The following CELSR2 variants were observed in gnomAD, a reference collection of about 807,000 sequenced individuals.
CELSR2 encodes the protein cadherin EGF LAG seven-pass G-type receptor 2, also known as EGF-like protein 2.
CELSR2 carries 81 observed loss-of-function variants against 251.6 expected under a neutral mutation model. The observed-to-expected ratio is 0.32, with a 90% CI of 0.27 to 0.39. The LOEUF (loss-of-function observed/expected upper bound fraction) is 0.39, where lower values mean the gene tolerates loss of function less well. CELSR2 is among the 10% of genes least tolerant of loss of function. The pLI is 1.00. For synonymous variants in CELSR2, 1,721 were observed against 1,670.5 expected, an observed-to-expected ratio of 1.03 and a Z score of -0.74; for missense variants, 3,365 against 3,947.7, an observed-to-expected ratio of 0.85 and a Z score of 3.96.
At chr1:109,270,361 C>T in intron 23 of CELSR2, 65 bp from the exon 24 acceptor site, 1 of 1,568,784 alleles carries the variant, frequency 6.4e-7, no homozygotes, top group Non-Finnish European at 8.7e-7. Context: ...CCATGCCTGA[C>T]CCGAAGCAGA....
chr1:109,263,526 C>A, intron 8 of CELSR2, 85 bp from the exon 9 acceptor site: 2 of 1,539,646 alleles, frequency 1.3e-6, no homozygotes, highest in East Asian at 2.3e-5. Context: ...CTCTGCCTCC[C>A]GTGCAGCCGC....
At chr1:109,270,283 G>A (rs1570792933) in intron 23 of CELSR2, 143 bp from the exon 24 acceptor site, 6 of 1,264,686 alleles carry the variant, frequency 4.7e-6, no homozygotes, top group South Asian at 1.3e-5. Context: ...TGGCTCCCCC[G>A]GGATCCCCCA....
rs936457229 is a variant in CELSR2 at position 109,270,929 on chromosome 1, C to G, written c.7486C>G (p.Leu2496Val). Residue 2496 changes from leucine (L) to valine (V), a missense_variant and splice_region_variant, in exon 25 of 34, where the codon CTA (leucine) becomes GTA (valine). Transcript: ENST00000271332. Reference sequence around the variant, plus strand: ...TCCCGTCTGTCTCCATGCTCCAGGGCTAGCCGTGGGCCTGGACCCCGAGGG... The same window carrying G: ...TCCCGTCTGTCTCCATGCTCCAGGGGTAGCCGTGGGCCTGGACCCCGAGGG... ...GWGVPAFITG[L>V]AVGLDPEGYG... 3 of 1,610,630 alleles carry G rather than the reference C, an allele frequency of 1.9e-6. No individual in the cohort carries two copies. The highest frequency in any genetic ancestry group is 2.5e-6 in the Non-Finnish European group (3 of 1,177,570).
chr1:109,258,822 G>C lies in CELSR2; in HGVS notation c.3701G>C (p.Arg1234Pro), dbSNP rs751056403. The C allele has an allele frequency of 1.2e-6, 2 of 1,611,946 alleles. No individual in the cohort carries two copies. Among genetic ancestry groups the C allele is most frequent in the Non-Finnish European group, 1.7e-6 (2 of 1,179,216 alleles). The stretch of plus-strand genomic sequence containing the variant: ...CCCTTCGACGACAACATCTGCCTGC[G>C]GGAGCCCTGCGAGAACTACATGCGC... ...VLPFDDNICL[R>P]EPCENYMRCV... Residue 1234 changes from arginine to proline, a missense_variant, in exon 2 of 34, where the codon CGG (arginine) becomes CCG (proline). Physicochemically the swap from Arg to Pro is moderately radical, Grantham distance 103 (BLOSUM62 -2). Around this residue, in one of 5 missense-constraint regions of CELSR2, gnomAD observed 2,093 missense variants for 2,382.8 expected, o/e 0.88. Transcript: ENST00000271332.
rs770540393 is a variant in CELSR2, at chr1:109,251,634, C to G, written c.1555C>G (p.Pro519Ala). 1 of 1,613,842 alleles carries G rather than the reference C, an allele frequency of 6.2e-7. No individual in the cohort carries two copies. The highest frequency in any genetic ancestry group is 1.1e-5 in the South Asian group (1 of 91,066). ...PFQATVLESV[P>A]LGYLVLHVQA... ...CCAGGCTACTGTCCTGGAGAGTGTC[C>G]CCTTAGGCTACCTGGTTCTCCATGT... is the stretch of plus-strand genomic sequence containing the variant. The change falls in exon 1 of 34, where the codon CCC (proline) becomes GCC (alanine). Residue 519 changes from proline to alanine, a missense_variant. Physicochemically the swap from Pro to Ala is conservative, Grantham distance 27 (BLOSUM62 -1). Around this residue, in one of 5 missense-constraint regions of CELSR2, gnomAD observed 704 missense variants for 784.1 expected, o/e 0.90. Coordinates refer to ENST00000271332, the MANE Select transcript of CELSR2 (RefSeq NM_001408.3). This position sits in a 1 kb window ranked among gnomAD's most constrained non-coding sequence, Gnocchi z 4.9.
At position 109,249,574 on chromosome 1, in the gene CELSR2, C is replaced by G. The variant is rs1382242483; in HGVS notation, c.-506C>G. Among the ~76,000 whole-genome samples, 1 of 149,742 alleles carries G rather than the reference C, an allele frequency of 6.7e-6. No individual in the cohort carries two copies. Among genetic ancestry groups the G allele is most frequent in the African/African-American group, 2.4e-5 (1 of 41,126 alleles). On this transcript the variant is annotated 5_prime_UTR_variant, in exon 1 of 34. Coordinates refer to ENST00000271332, the MANE Select transcript of CELSR2 (RefSeq NM_001408.3). The stretch of plus-strand genomic sequence containing the variant: ...CCCGCCCGCCGGGGAGGCGAGGGAG[C>G]GCGGGGCTGGGCCCGGGGCCGCGGC...
rs373924622 is a variant in CELSR2, at chr1:109,259,009, C to T, written c.3888C>T (p.Pro1296=). 2.5e-6 allele frequency: 4 copies of T among 1,604,410 alleles called. No homozygotes were observed. The highest frequency in any genetic ancestry group is 2.7e-5 in the African/African-American group (2 of 74,894). ...AGGTGGACCTCTGCTACTCGCGGCC[C>T]TGTGGCCCCCACGGGCGCTGCCGCA... ...ETEVDLCYSR[P]CGPHGRCRSR... Residue 1296 remains proline, a synonymous_variant, in exon 2 of 34, where the codon CCC becomes CCT. Transcript: ENST00000271332.
rs766353674 is a variant in CELSR2, at chr1:109,272,362, C to T, written c.8011C>T (p.Arg2671Cys). ...GGCCGGCTCTCTGCACAGCACCAGT[C>T]GCTCGGGCAAGAGTCAGCCCAGCTA... ...DSAGSLHSTSRSGKSQPSYIP... is the reference protein window; with the variant it reads ...DSAGSLHSTSCSGKSQPSYIP... Residue 2671 changes from arginine (R) to cysteine (C), a missense_variant, in exon 29 of 34, where the codon CGC (arginine) becomes TGC (cysteine). This residue lies in a region of CELSR2 where 2,093 missense variants were observed against 2,382.8 expected (regional missense o/e 0.88). Coordinates refer to ENST00000271332, the MANE Select transcript of CELSR2 (RefSeq NM_001408.3). 14 of 1,612,380 alleles carry T rather than the reference C, an allele frequency of 8.7e-6. No homozygotes were observed. The highest frequency in any genetic ancestry group is 7.7e-5 in the South Asian group (7 of 91,062).
intron 1 of CELSR2, among the ~76,000 whole-genome samples, chr1:109,258,141 C>T (rs936557371): frequency 6.6e-6 from 1 of 152,100 alleles, no homozygotes; most frequent in Non-Finnish European, 1.5e-5. Context: ...CCCGCGCAGG[C>T]AGCACAGACT....
In CELSR2 at chr1:109,261,537, G is replaced by A. The variant is rs1246201196; in HGVS notation, c.4206G>A (p.Gly1402=). 1.9e-6 allele frequency: 3 copies of A among 1,614,074 alleles called. No homozygotes were observed. The highest frequency in any genetic ancestry group is 2.7e-5 in the African/African-American group (2 of 74,926). Reference sequence around the variant, plus strand: ...GGTTTGCCACAAAGGAGCGCGACGGGTTGCTGTTGTACAATGGGCGTTTCA... The same window carrying A: ...GGTTTGCCACAAAGGAGCGCGACGGATTGCTGTTGTACAATGGGCGTTTCA... ...ALSFATKERD[G]LLLYNGRFNE... is the part of the protein sequence containing the mutation. The change falls in exon 4 of 34, where the codon GGG becomes GGA. Residue 1402 remains glycine, a synonymous_variant. Transcript: ENST00000271332. This position sits in a 1 kb window ranked among gnomAD's most constrained non-coding sequence, Gnocchi z 4.8.
At position 109,250,893 on chromosome 1, in the gene CELSR2, C is replaced by T; in HGVS notation, c.814C>T (p.Leu272=). The change falls in exon 1 of 34, where the codon CTG becomes TTG. Residue 272 remains leucine (L), a synonymous_variant. Coordinates refer to ENST00000271332, the MANE Select transcript of CELSR2 (RefSeq NM_001408.3). This position sits in a 1 kb window ranked among gnomAD's most constrained non-coding sequence, Gnocchi z 4.4. The stretch of plus-strand genomic sequence containing the variant: ...CCACGGCATGCCCCGACGAAGTGCC[C>T]TGGCTACACTCACCATCTTGGTTAC... ...QDHGMPRRSA[L]ATLTILVTDT... is the part of the protein sequence containing the mutation. 1.2e-6 allele frequency: 2 copies of T among 1,614,002 alleles called. No homozygotes were observed. The highest frequency in any genetic ancestry group is 1.7e-6 in the Non-Finnish European group (2 of 1,180,040).
At position 109,263,272 on chromosome 1, in the gene CELSR2, GA is replaced by G; in HGVS notation, c.4834+6del. ...GGGGCAAGAGCTGCGCCCAGGGTAG[GA>G]GGGGCGGCTGTTAGAGGCCACAGCC... On this transcript the variant is annotated splice_donor_region_variant and intron_variant, in intron 8 of 33. Coordinates refer to ENST00000271332, the MANE Select transcript of CELSR2 (RefSeq NM_001408.3). 1.3e-6 allele frequency: 2 copies of G among 1,570,288 alleles called. No individual in the cohort carries two copies. Among genetic ancestry groups the G allele is most frequent in the East Asian group, 4.6e-5 (2 of 43,952 alleles).
In CELSR2 at chr1:109,252,035, T is replaced by G. The variant is rs542246449; in HGVS notation, c.1956T>G (p.Thr652=). The part of the protein sequence containing the change: ...VITYQITSGN[T]RNRFSITSQS... ...CCTACCAGATCACCAGTGGCAATACTCGAAACCGCTTCTCCATCACCAGCC... is the reference window on the plus strand; with the variant it reads ...CCTACCAGATCACCAGTGGCAATACGCGAAACCGCTTCTCCATCACCAGCC... Residue 652 remains threonine (T), a synonymous_variant, in exon 1 of 34, where the codon ACT becomes ACG. Coordinates refer to ENST00000271332, the MANE Select transcript of CELSR2 (RefSeq NM_001408.3). The surrounding 1 kb of genome is among the most constrained non-coding windows in gnomAD (Gnocchi z 4.8). 2.5e-6 allele frequency: 4 copies of G among 1,613,916 alleles called. No homozygotes were observed. The South Asian group carries it at 4.4e-5, about 18-fold the overall frequency.
At position 109,253,354 on chromosome 1, in the gene CELSR2, G is replaced by A. The variant is rs987595740; in HGVS notation, c.3275G>A (p.Arg1092Gln). Residue 1092 changes from arginine to glutamine, a missense_variant, in exon 1 of 34, where the codon CGG becomes CAG. By Grantham distance (43) the Arg-to-Gln change is conservative (BLOSUM62 1). Coordinates refer to ENST00000271332, the MANE Select transcript of CELSR2 (RefSeq NM_001408.3). ...LKLSRALDNN[R>Q]PLEAIMSVLV... Reference sequence around the variant, plus strand: ...CTAAGCCGCGCACTGGACAACAACCGGCCTCTGGAGGCCATCATGAGCGTG... The same window carrying A: ...CTAAGCCGCGCACTGGACAACAACCAGCCTCTGGAGGCCATCATGAGCGTG... 4 of 1,613,150 alleles carry A rather than the reference G, an allele frequency of 2.5e-6. No individual in the cohort carries two copies. Among genetic ancestry groups the A allele is most frequent in the Non-Finnish European group, 3.4e-6 (4 of 1,180,020 alleles).
At chr1:109,257,947 C>T (rs1029423233) in intron 1 of CELSR2, among the ~76,000 whole-genome samples, 3 of 152,254 alleles carry the variant, frequency 2.0e-5, no homozygotes, top group Admixed American at 2.0e-4. Context: ...CCCACTGACC[C>T]AGTTTACCCA....
chr1:109,250,707 G>A lies in CELSR2; in HGVS notation c.628G>A (p.Glu210Lys), dbSNP rs765408559. The A allele has an allele frequency of 1.2e-5, 19 of 1,614,002 alleles. No individual in the cohort carries two copies. Among genetic ancestry groups the A allele is most frequent in the Non-Finnish European group, 1.4e-5 (17 of 1,180,052 alleles). Residue 210 changes from glutamate to lysine, a missense_variant, in exon 1 of 34, where the codon GAG (glutamate) becomes AAG (lysine). Around this residue, in one of 5 missense-constraint regions of CELSR2, gnomAD observed 704 missense variants for 784.1 expected, o/e 0.90. Transcript: ENST00000271332. The surrounding 1 kb of genome is among the most constrained non-coding windows in gnomAD (Gnocchi z 4.4). The part of the protein sequence containing the change: ...VASLRAIDPD[E>K]GEAGRLEYTM... Reference sequence around the variant, plus strand: ...ATCCCTGAGGGCCATCGACCCGGACGAGGGTGAGGCAGGTCGACTGGAGTA... The same window carrying A: ...ATCCCTGAGGGCCATCGACCCGGACAAGGGTGAGGCAGGTCGACTGGAGTA...
Position 109,261,692 on chromosome 1 carries a change from C to A in CELSR2, c.4297+64C>A. ...AGGCCCCAAGTCTTCCAGCCCCTGA[C>A]CCCAAGCCACATACTCTATCAGCCA... On this transcript the variant is annotated intron_variant, in intron 4 of 33. Transcript: ENST00000271332. The surrounding 1 kb of genome is among the most constrained non-coding windows in gnomAD (Gnocchi z 4.8). The A allele has an allele frequency of 3.2e-6, 5 of 1,559,838 alleles. No individual in the cohort carries two copies. The highest frequency in any genetic ancestry group is 3.5e-6 in the Non-Finnish European group (4 of 1,132,532).
chr1:109,265,622 C>T (rs1656163653), intron 13 of CELSR2, 113 bp from the exon 14 acceptor site: 6 of 1,290,696 alleles, frequency 4.6e-6, no homozygotes, highest in Non-Finnish European at 5.4e-6. Flanking sequence ...AATACTGCTC[C>T]TGAGGGGACC....
In CELSR2 at chr1:109,263,782, T is replaced by C; in HGVS notation, c.5001+5T>C. On this transcript the variant is annotated splice_donor_5th_base_variant and intron_variant, in intron 9 of 33. Coordinates refer to ENST00000271332, the MANE Select transcript of CELSR2 (RefSeq NM_001408.3). ...CGCAGCACCATCACCCTACAGGTGA[T>C]GCATGGAAGGGCGGCTGGCCCTGGC... The C allele has an allele frequency of 1.2e-6, 2 of 1,611,984 alleles. No individual in the cohort carries two copies. The highest frequency in any genetic ancestry group is 1.7e-6 in the Non-Finnish European group (2 of 1,179,388).
Sources: gnomAD v4.1 joint callset for allele counts (sites outside exome capture counted in the v4.1 genomes callset) on GRCh38, gnomAD v4.1.1 for gene constraint, gnomAD v4.1.1 regional missense constraint, Gnocchi (gnomAD v3.1) non-coding constraint, MANE v1.5 for transcripts, NCBI Gene and HGNC (gene_info 2026-07-23, HGNC 2026-07-21) for gene names.